Variants in SMG6 observed in about 807,000 individuals in gnomAD.
SMG6 encodes SMG6 nonsense mediated mRNA decay factor, also known as telomerase-binding protein EST1A.
SMG6 carries 66 observed loss-of-function variants against 142.2 expected under a neutral mutation model. That is an observed-to-expected ratio of 0.46 (90% CI 0.38 to 0.57). SMG6 has a LOEUF of 0.57. Among genes scored for constraint, SMG6 ranks in the 20% least tolerant of loss-of-function variants. SMG6 has a pLI of 0.00. For synonymous variants in SMG6, 779 were observed against 702.4 expected (o/e 1.11, Z -1.72); for missense variants, 1,793 against 1,832.0 (o/e 0.98, Z 0.39).
chr17:2,193,803 A>G (rs2072236423), intron 10 of SMG6, among the ~76,000 whole-genome samples: 1 of 152,242 alleles, frequency 6.6e-6, no homozygotes, highest in Admixed American at 6.5e-5. Flanking sequence ...CATTTCAGCT[A>G]GCATGTAACA....
At chr17:2,102,517 C>G (rs915743978) in intron 13 of SMG6, among the ~76,000 whole-genome samples, 9 of 147,014 alleles carry the variant, frequency 6.1e-5, no homozygotes, top group Admixed American at 3.4e-4. Context: ...CCACCACATC[C>G]TGCTAATTTC....
intron 13 of SMG6, among the ~76,000 whole-genome samples, chr17:2,165,808 G>C (rs76697537): frequency 0.015 from 2,310 of 152,244 alleles, 50 homozygotes; most frequent in African/African-American, 0.052. Flanking sequence ...AGGAGGCTGA[G>C]GGGGGAGGAT....
In SMG6 at chr17:2,299,173, G is replaced by A. The variant is rs778642964; in HGVS notation, c.1580C>T (p.Pro527Leu). Residue 527 changes from proline to leucine, a missense_variant, in exon 2 of 19, where the codon CCT (proline) becomes CTT (leucine). Coordinates refer to ENST00000263073, the MANE Select transcript of SMG6 (RefSeq NM_017575.5). This position sits in a 1 kb window ranked among gnomAD's most constrained non-coding sequence, Gnocchi z 4.3. The part of the protein sequence containing the change: ...ASQYPYTGYN[P>L]LQYPVGPTNG... ...CGTAGGGCCCACTGGGTACTGTAGA[G>A]GGTTATAGCCCGTATAGGGATACTG... 4 of 1,613,040 alleles carry A rather than the reference G, an allele frequency of 2.5e-6. No homozygotes were observed. In the East Asian group the frequency reaches 8.9e-5, roughly 36 times the overall value.
At chr17:2,303,161 G>C (rs963041609) in intron 1 of SMG6, 40 of 985,320 alleles carry the variant, frequency 4.1e-5, no homozygotes, top group Non-Finnish European at 4.7e-5. Context: ...GCCTGTCTTG[G>C]GGGGGAAAAG....
chr17:2,151,154 C>T (rs2070813060), intron 13 of SMG6, among the ~76,000 whole-genome samples: 1 of 152,194 alleles, frequency 6.6e-6, no homozygotes, highest in Non-Finnish European at 1.5e-5. Flanking sequence ...TCTTTTTTCA[C>T]TCCACAGTCT....
intron 15 of SMG6, among the ~76,000 whole-genome samples, chr17:2,070,808 G>A (rs1254484211): frequency 6.6e-6 from 1 of 152,160 alleles, no homozygotes; most frequent in Non-Finnish European, 1.5e-5. Context: ...ACCTTCCCAT[G>A]GGAGGCGGGG....
At chr17:2,297,408 C>A in intron 3 of SMG6, 55 bp from the exon 4 acceptor site, 1 of 1,348,534 alleles carries the variant, frequency 7.4e-7, no homozygotes, top group South Asian at 1.3e-5. Context: ...CCAACCTATC[C>A]ACCAAAAACC....
intron 4 of SMG6, among the ~76,000 whole-genome samples, chr17:2,295,578 T>C (rs2075127404): frequency 6.6e-6 from 1 of 152,166 alleles, no homozygotes; most frequent in Non-Finnish European, 1.5e-5. Flanking sequence ...TTTAGTAATC[T>C]TAACATTTGA....
intron 9 of SMG6, among the ~76,000 whole-genome samples, chr17:2,238,304 T>C (rs2151810396): frequency 6.6e-6 from 1 of 152,298 alleles, no homozygotes; most frequent in South Asian, 2.1e-4. Flanking sequence ...TGCATTTGCT[T>C]TTTTTCTCCA....
chr17:2,182,733 T>A (rs2071844193), intron 12 of SMG6, among the ~76,000 whole-genome samples: 2 of 152,076 alleles, frequency 1.3e-5, no homozygotes, highest in South Asian at 4.1e-4. Context: ...TCCCCCAGCA[T>A]TACTTCTCTC....
intron 10 of SMG6, among the ~76,000 whole-genome samples, chr17:2,193,310 C>G (rs532832772): frequency 1.3e-5 from 2 of 152,322 alleles, no homozygotes; most frequent in East Asian, 3.9e-4. Context: ...TTGTAGCCTT[C>G]CTTAGGCCTC....
intron 9 of SMG6, among the ~76,000 whole-genome samples, chr17:2,241,221 G>A (rs574641787): frequency 2.5e-4 from 38 of 152,326 alleles, no homozygotes; most frequent in Admixed American, 2.1e-3. Context: ...GAATAAAAGA[G>A]ATCCTGAAAA....
intron 8 of SMG6, among the ~76,000 whole-genome samples, chr17:2,280,830 C>T (rs573077558): frequency 6.6e-6 from 1 of 152,188 alleles, no homozygotes; most frequent in South Asian, 2.1e-4. Context: ...TGCCTGTAAT[C>T]CCAGATCTTT....
chr17:2,067,437 A>G (rs2067983807), intron 16 of SMG6, among the ~76,000 whole-genome samples: 1 of 152,138 alleles, frequency 6.6e-6, no homozygotes, highest in Admixed American at 6.5e-5. Context: ...TTTCCTGACC[A>G]TCTAGCAAAA....
intron 13 of SMG6, among the ~76,000 whole-genome samples, chr17:2,142,471 C>A (rs902752026): frequency 5.3e-5 from 8 of 151,796 alleles, no homozygotes; most frequent in African/African-American, 1.9e-4. Context: ...ACAGTGAGAC[C>A]CTCTCTGTCT....
intron 6 of SMG6, among the ~76,000 whole-genome samples, chr17:2,285,916 C>T (rs1488682619): frequency 3.9e-5 from 6 of 152,096 alleles, no homozygotes; most frequent in East Asian, 1.9e-4. Context: ...TCAAGTGATC[C>T]GCCTGCCTCA....
At chr17:2,185,786 G>A (rs2071962675) in intron 12 of SMG6, among the ~76,000 whole-genome samples, 1 of 152,034 alleles carries the variant, frequency 6.6e-6, no homozygotes, top group African/African-American at 2.4e-5. Context: ...GTGGTGAGAA[G>A]ACAGGGGGCG....
intron 8 of SMG6, among the ~76,000 whole-genome samples, chr17:2,257,445 C>T (rs112754245): frequency 9.2e-5 from 14 of 152,188 alleles, no homozygotes; most frequent in African/African-American, 2.9e-4. Flanking sequence ...CGCCTGGCCC[C>T]CAAAGGTATT....
intron 13 of SMG6, among the ~76,000 whole-genome samples, chr17:2,088,942 G>A (rs539695629): frequency 2.0e-5 from 3 of 152,286 alleles, no homozygotes; most frequent in East Asian, 1.9e-4. Flanking sequence ...TCCAGCACTT[G>A]AGTCAGGGAA....
Sources: gnomAD v4.1 joint callset for allele counts (sites outside exome capture counted in the v4.1 genomes callset) on GRCh38, gnomAD v4.1.1 for gene constraint, Gnocchi (gnomAD v3.1) non-coding constraint, MANE v1.5 for transcripts, NCBI Gene and HGNC (gene_info 2026-07-23, HGNC 2026-07-21) for gene names.